DNAH17: variants seen among roughly 807,000 people sequenced by gnomAD.
DNAH17 encodes dynein axonemal heavy chain 17, also known as axonemal beta dynein heavy chain 17.
In DNAH17, 376 loss-of-function variants were observed where a neutral mutation model predicts 485.6. The observed-to-expected ratio is 0.77, with a 90% CI of 0.71 to 0.84. DNAH17 has a LOEUF of 0.84. DNAH17 is among the 40% of genes least tolerant of loss of function. DNAH17 has a pLI of 0.00. For missense variants in DNAH17, 6,370 were observed against 5,839.3 expected, an observed-to-expected ratio of 1.09 and a Z score of -2.96; for synonymous variants, 3,031 against 2,405.9, an observed-to-expected ratio of 1.26 and a Z score of -7.60.
intron 14 of DNAH17, among the ~76,000 whole-genome samples, chr17:78,557,651 A>C (rs986490190): frequency 2.7e-5 from 4 of 150,670 alleles, no homozygotes; most frequent in African/African-American, 9.7e-5. Flanking sequence ...AAAAAAAAAA[A>C]AAAAAAAAAA....
At chr17:78,478,020 TCAC>T (rs1189475946) in intron 51 of DNAH17, among the ~76,000 whole-genome samples, 4 of 79,578 alleles carry the variant, frequency 5.0e-5, no homozygotes, top group African/African-American at 1.2e-4. Flanking sequence ...ATCATCACCA[TCAC>T]CACCACCATC....
chr17:78,445,490 G>A (rs1057355258), intron 70 of DNAH17, 68 bp downstream of exon 70: 16 of 1,522,636 alleles, frequency 1.1e-5, no homozygotes, highest in Admixed American at 4.1e-5. Context: ...GGAAACATCC[G>A]CAGCATCAGC....
chr17:78,431,680 A>G (rs1277268444), intron 75 of DNAH17, among the ~76,000 whole-genome samples: 8 of 151,976 alleles, frequency 5.3e-5, no homozygotes, highest in Non-Finnish European at 1.2e-4. Flanking sequence ...CATGAAGGGA[A>G]TATGGGAGCC....
Position 78,475,377 on chromosome 17 carries a change from G to A in DNAH17, c.8412C>T (p.Gly2804=). The change falls in exon 54 of 81, where the codon GGC becomes GGT. Residue 2804 remains glycine (G), a synonymous_variant. Coordinates refer to ENST00000389840, the MANE Select transcript of DNAH17 (RefSeq NM_173628.4). The part of the protein sequence containing the change: ...RGNALLVGVG[G]SGKQSLSRLA... ...GGCGGGAGAGGCTCTGTTTGCCACTGCCGCCCACCCCCACCAGCAGGGCAT... is the reference window on the plus strand; with the variant it reads ...GGCGGGAGAGGCTCTGTTTGCCACTACCGCCCACCCCCACCAGCAGGGCAT... 8.7e-6 allele frequency: 14 copies of A among 1,613,976 alleles called. No homozygotes were observed. Among genetic ancestry groups the A allele is most frequent in the Non-Finnish European group, 1.2e-5 (14 of 1,179,900 alleles).
chr17:78,480,862 G>C lies in DNAH17; in HGVS notation c.7650-76C>G, dbSNP rs536352269. On this transcript the variant is annotated intron_variant, in intron 48 of 80. Transcript: ENST00000389840. ...TCCCCTGCCCCCACTGTGCTCCCAA[G>C]AATGCCCTCCTTATTATTATTTTTT... is the stretch of plus-strand genomic sequence containing the variant. 4.1e-6 allele frequency: 4 copies of C among 972,302 alleles called. No homozygotes were observed. The African/African-American group carries it at 6.5e-5, about 16-fold the overall frequency. The allele number at this position is 972,302 out of a possible 1,614,324, so 60.2% of individuals were successfully genotyped here. A position where few individuals can be genotyped will look rare whatever the true frequency, so the allele number is the denominator to read the frequency against.
intron 14 of DNAH17, among the ~76,000 whole-genome samples, chr17:78,554,473 G>GAAA (rs1568246690): frequency 4.1e-4 from 51 of 124,700 alleles, no homozygotes; most frequent in Non-Finnish European, 6.1e-4. Flanking sequence ...AAAAAAAAAG[G>GAAA]ATAGGTTCTA....
intron 13 of DNAH17, among the ~76,000 whole-genome samples, 182 bp downstream of exon 13, chr17:78,560,558 G>A (rs1161631119): frequency 1.3e-5 from 2 of 152,146 alleles, no homozygotes; most frequent in African/African-American, 4.8e-5. Context: ...TGAAGCTATT[G>A]TCAAAGTTGC....
Position 78,507,302 on chromosome 17 carries a change from T to C in DNAH17, c.4652A>G (p.Asn1551Ser), listed in dbSNP as rs1436844840. ...VEATSKPGLY[N>S]KLEALKKSLA... ...CCTCTTCTTCAGGGCCTCCAGTTTA[T>C]TGTAGAGGCCGGGTTTGCTGGTGGC... Residue 1551 changes from asparagine to serine, a missense_variant, in exon 29 of 81, where the codon AAT (asparagine) becomes AGT (serine). Physicochemically the swap from Asn to Ser is conservative, Grantham distance 46 (BLOSUM62 1). Transcript: ENST00000389840. 6 of 1,613,896 alleles carry C rather than the reference T, an allele frequency of 3.7e-6. No individual in the cohort carries two copies. In the Admixed American group the frequency reaches 5.0e-5, roughly 13 times the overall value.
chr17:78,510,777 C>G (rs912483175), intron 26 of DNAH17: 25 of 399,542 alleles, frequency 6.3e-5, no homozygotes, highest in African/African-American at 4.8e-4. Flanking sequence ...CACATCCGCC[C>G]AGAACCTTCA....
At position 78,506,798 on chromosome 17, in the gene DNAH17, T is replaced by C; in HGVS notation, c.4725A>G (p.Arg1575=). The part of the protein sequence containing the change: ...KALAEYLETK[R]LAFPRFYFVS... ...CAAAATAGAACCGGGGGAAAGCCAG[T>C]CTTTTCGTCTCTAAATACTCTGCCA... The change falls in exon 30 of 81, where the codon AGA becomes AGG. Residue 1575 remains arginine (R), a synonymous_variant. Transcript: ENST00000389840. The C allele has an allele frequency of 3.1e-6, 5 of 1,613,926 alleles. No homozygotes were observed. The South Asian group carries it at 4.4e-5, about 14-fold the overall frequency.
chr17:78,541,229 G>A (rs1230394548), intron 17 of DNAH17, among the ~76,000 whole-genome samples: 6 of 25,688 alleles, frequency 2.3e-4, no homozygotes, highest in African/African-American at 7.2e-4. Context: ...GGGGGTGAGC[G>A]GATGGGTGGG....
At position 78,486,434 on chromosome 17, in the gene DNAH17, C is replaced by T. The variant is rs201853226; in HGVS notation, c.6891G>A (p.Lys2297=). The part of the protein sequence containing the change: ...EKANLMILFD[K]YLPTCLDKLR... The stretch of plus-strand genomic sequence containing the variant: ...ACTTGTCCAGGCACGTGGGCAGGTA[C>T]TTGTCAAAGAGGATCATCAGGTTGG... Residue 2297 remains lysine (K), a synonymous_variant, in exon 45 of 81, where the codon AAG becomes AAA. Coordinates refer to ENST00000389840, the MANE Select transcript of DNAH17 (RefSeq NM_173628.4). 1.9e-6 allele frequency: 3 copies of T among 1,613,754 alleles called. No homozygotes were observed. The highest frequency in any genetic ancestry group is 1.3e-5 in the African/African-American group (1 of 75,066).
In DNAH17 at chr17:78,451,491, C is replaced by A. The variant is rs564392079; in HGVS notation, c.10712G>T (p.Arg3571Leu). The change falls in exon 66 of 81, where the codon CGC (arginine) becomes CTC (leucine). Residue 3571 changes from arginine to leucine, a missense_variant. Transcript: ENST00000389840. ...TACCTTCAGCTGTTCCAGATCTGGG[C>A]GCTCTTTGGCCACCACAGCGGCCAA... is the stretch of plus-strand genomic sequence containing the variant. ...QLLAAVVAKE[R>L]PDLEQLKANL... 2.5e-6 allele frequency: 4 copies of A among 1,611,850 alleles called. No individual in the cohort carries two copies. The highest frequency in any genetic ancestry group is 3.4e-6 in the Non-Finnish European group (4 of 1,178,992).
At chr17:78,485,219 CAG>C in intron 47 of DNAH17, 186 bp from the exon 48 acceptor site, 1 of 730,920 alleles carries the variant, frequency 1.4e-6, no homozygotes, top group Non-Finnish European at 2.2e-6. Context: ...CAGGAATAAA[CAG>C]AGCGATCAGA....
intron 72 of DNAH17, 108 bp downstream of exon 72, chr17:78,440,943 C>G: frequency 1.5e-6 from 2 of 1,366,346 alleles, no homozygotes; most frequent in Non-Finnish European, 2.0e-6. Context: ...GAAGCCGCGT[C>G]TTGGGTGTGA....
intron 1 of DNAH17, 85 bp from the exon 2 acceptor site, chr17:78,575,167 G>T: frequency 1.1e-6 from 1 of 910,622 alleles, no homozygotes. Context: ...GGAAATCTCT[G>T]TTTCTACCGG....
At chr17:78,492,472 C>T (rs1568146135) in intron 42 of DNAH17, among the ~76,000 whole-genome samples, 161 bp downstream of exon 42, 1 of 152,224 alleles carries the variant, frequency 6.6e-6, no homozygotes, top group Non-Finnish European at 1.5e-5. Context: ...CACTGCTCCC[C>T]ATAAACTTTG....
chr17:78,568,516 G>C (rs1323986016), intron 9 of DNAH17, among the ~76,000 whole-genome samples: 1 of 152,104 alleles, frequency 6.6e-6, no homozygotes, highest in African/African-American at 2.4e-5. Context: ...AGATACAAAA[G>C]GCAAAACTTT....
At chr17:78,445,734 C>A in intron 69 of DNAH17, 54 bp from the exon 70 acceptor site, 1 of 1,562,792 alleles carries the variant, frequency 6.4e-7, no homozygotes, top group Non-Finnish European at 8.7e-7. Context: ...ACGTCAGCAG[C>A]CCTGAAGATG....
Sources: allele counts gnomAD v4.1 joint callset (sites outside exome capture counted in the v4.1 genomes callset), GRCh38; gene constraint gnomAD v4.1.1; transcripts MANE v1.5; gene names NCBI Gene and HGNC (gene_info 2026-07-23, HGNC 2026-07-21).